The following LRRC8D variants were observed in gnomAD, a reference collection of about 807,000 sequenced individuals.
The protein encoded by LRRC8D is leucine rich repeat containing 8 VRAC subunit D.
A neutral mutation model predicts 55.8 loss-of-function variants in LRRC8D; 20 were observed. The observed-to-expected ratio is 0.36, with a 90% CI of 0.25 to 0.52. The LOEUF (loss-of-function observed/expected upper bound fraction) is 0.52. LRRC8D is among the 20% of genes least tolerant of loss of function. The pLI, the probability that LRRC8D is intolerant of heterozygous loss-of-function variation, is 0.93. For synonymous variants in LRRC8D, 352 were observed against 377.0 expected, an observed-to-expected ratio of 0.93 and a Z score of 0.77; for missense variants, 651 against 1,030.8, an observed-to-expected ratio of 0.63 and a Z score of 5.05.
intron 2 of LRRC8D, among the ~76,000 whole-genome samples, chr1:89,894,330 A>G (rs1255879549): frequency 6.6e-6 from 1 of 152,178 alleles, no homozygotes; most frequent in Non-Finnish European, 1.5e-5. Context: ...ACAGCCCCAT[A>G]TTACTCACTC....
rs186390252 is a variant in LRRC8D, at chr1:89,865,058, T to G, written c.-3+21276T>G. On this transcript the variant is annotated intron_variant, in intron 2 of 2. Transcript: ENST00000337338. ...ACATTTTACATCTCCAACATTTCACTTATTACATTGATTTGCCTTTTCTAA... is the reference window on the plus strand; with the variant it reads ...ACATTTTACATCTCCAACATTTCACGTATTACATTGATTTGCCTTTTCTAA... Among the ~76,000 whole-genome samples the G allele has an allele frequency of 2.0e-3, 304 of 152,268 alleles. 1 individual carries two copies. Among genetic ancestry groups the G allele is most frequent in the African/African-American group, 7.2e-3 (299 of 41,556 alleles).
At position 89,935,698 on chromosome 1, in the gene LRRC8D, G is replaced by A; in HGVS notation, c.*53G>A. ...GCAGGAACAACTTCCTAGATTGCAAGTGCTCACGTACAAGTTATTACAAGA... is the reference window on the plus strand; with the variant it reads ...GCAGGAACAACTTCCTAGATTGCAAATGCTCACGTACAAGTTATTACAAGA... On this transcript the variant is annotated 3_prime_UTR_variant, in exon 3 of 3. Transcript: ENST00000337338. 3 of 1,511,284 alleles carry A rather than the reference G, an allele frequency of 2.0e-6. No homozygotes were observed. The highest frequency in any genetic ancestry group is 2.7e-6 in the Non-Finnish European group (3 of 1,099,102). The allele number at this position is 1,511,284 out of a possible 1,614,324, so 93.6% of individuals were successfully genotyped here. A position where few individuals can be genotyped will look rare whatever the true frequency, so the allele number is the denominator to read the frequency against.
At chr1:89,832,012 T>A (rs931473718) in intron 1 of LRRC8D, among the ~76,000 whole-genome samples, 2 of 152,216 alleles carry the variant, frequency 1.3e-5, no homozygotes, top group Non-Finnish European at 2.9e-5. Context: ...TGTGAAGCAG[T>A]GTCAGCAGGG....
At chr1:89,875,466 G>A (rs1462303432) in intron 2 of LRRC8D, among the ~76,000 whole-genome samples, 1 of 152,080 alleles carries the variant, frequency 6.6e-6, no homozygotes, top group East Asian at 1.9e-4. Flanking sequence ...CCATATAGTA[G>A]ATGAGTCTGA....
intron 1 of LRRC8D, among the ~76,000 whole-genome samples, chr1:89,823,998 C>T (rs1660705553): frequency 6.6e-6 from 1 of 152,104 alleles, no homozygotes; most frequent in Admixed American, 6.5e-5. Context: ...TGCCTCAAGA[C>T]CAGTGGCTCT....
chr1:89,840,904 G>C (rs1490748562), intron 1 of LRRC8D, among the ~76,000 whole-genome samples: 1 of 152,116 alleles, frequency 6.6e-6, no homozygotes, highest in Non-Finnish European at 1.5e-5. Flanking sequence ...AAATGAAGGA[G>C]GGATACCAAA....
intron 1 of LRRC8D, among the ~76,000 whole-genome samples, chr1:89,829,339 A>G (rs1017505510): frequency 6.6e-6 from 1 of 152,234 alleles, no homozygotes; most frequent in Non-Finnish European, 1.5e-5. Flanking sequence ...CCTCAAAACA[A>G]TTCTGAGTGA....
At chr1:89,837,065 C>G (rs1661019794) in intron 1 of LRRC8D, among the ~76,000 whole-genome samples, 1 of 152,150 alleles carries the variant, frequency 6.6e-6, no homozygotes, top group South Asian at 2.1e-4. Flanking sequence ...TCACAGGATA[C>G]TGTATCAACT....
intron 2 of LRRC8D, among the ~76,000 whole-genome samples, chr1:89,900,058 A>G (rs1662811750): frequency 1.3e-5 from 2 of 152,210 alleles, no homozygotes; most frequent in Admixed American, 1.3e-4. Flanking sequence ...AGATAATTGT[A>G]CGAGAGTGTA....
chr1:89,822,449 A>AT (rs1274133015), intron 1 of LRRC8D, among the ~76,000 whole-genome samples: 1 of 152,152 alleles, frequency 6.6e-6, no homozygotes, highest in Admixed American at 6.5e-5. Flanking sequence ...CTTCAAAAAT[A>AT]TTTTTTTGTT....
rs187938617 is a variant in LRRC8D, at chr1:89,923,483, G to A, written c.-2-9584G>A. 4.0e-5 allele frequency among the ~76,000 whole-genome samples: 6 copies of A among 151,704 alleles called. No individual in the cohort carries two copies. The South Asian group carries it at 1.1e-3, about 27-fold the overall frequency. Reference sequence around the variant, plus strand: ...GCTTAAGTTCACATTAGAAAGAATCGTATTGTTATGATGGCCATACTTCCC... The same window carrying A: ...GCTTAAGTTCACATTAGAAAGAATCATATTGTTATGATGGCCATACTTCCC... On this transcript the variant is annotated intron_variant, in intron 2 of 2. Coordinates refer to ENST00000337338, the MANE Select transcript of LRRC8D (RefSeq NM_001134479.2).
intron 2 of LRRC8D, among the ~76,000 whole-genome samples, chr1:89,917,239 C>G (rs1336139419): frequency 6.6e-6 from 1 of 152,194 alleles, no homozygotes; most frequent in African/African-American, 2.4e-5. Flanking sequence ...AATACCTTTT[C>G]TACCACTCAC....
At position 89,933,757 on chromosome 1, in the gene LRRC8D, G is replaced by C; in HGVS notation, c.689G>C (p.Gly230Ala). ...DSEENKQRIT[G>A]AQTLPKHVST... ...GAGGAAAACAAGCAGAGAATAACAGGTGCCCAGACTCTACCAAAGCATGTT... is the reference window on the plus strand; with the variant it reads ...GAGGAAAACAAGCAGAGAATAACAGCTGCCCAGACTCTACCAAAGCATGTT... Residue 230 changes from glycine (G) to alanine (A), a missense_variant, in exon 3 of 3, where the codon GGT (glycine) becomes GCT (alanine). Around this residue, in one of 5 missense-constraint regions of LRRC8D, gnomAD observed 178 missense variants for 374.9 expected, o/e 0.47. Coordinates refer to ENST00000337338, the MANE Select transcript of LRRC8D (RefSeq NM_001134479.2). The surrounding 1 kb of genome is among the most constrained non-coding windows in gnomAD (Gnocchi z 7.0). 6.2e-7 allele frequency: 1 copy of C among 1,614,092 alleles called. No individual in the cohort carries two copies. The highest frequency in any genetic ancestry group is 1.1e-5 in the South Asian group (1 of 91,086).
chr1:89,822,592 G>T (rs1467037329), intron 1 of LRRC8D, among the ~76,000 whole-genome samples: 1 of 152,138 alleles, frequency 6.6e-6, no homozygotes, highest in African/African-American at 2.4e-5. Context: ...CCGGACTTTG[G>T]AAGAGTCTGG....
chr1:89,916,177 A>T (rs1663264196), intron 2 of LRRC8D, among the ~76,000 whole-genome samples: 1 of 152,224 alleles, frequency 6.6e-6, no homozygotes, highest in African/African-American at 2.4e-5. Context: ...CTGCCAGTTA[A>T]GATAATTTGG....
At chr1:89,913,664 A>G (rs1263688087) in intron 2 of LRRC8D, among the ~76,000 whole-genome samples, 1 of 152,186 alleles carries the variant, frequency 6.6e-6, no homozygotes, top group Non-Finnish European at 1.5e-5. Context: ...CATTACTTAT[A>G]TTTTCAGATT....
At position 89,934,010 on chromosome 1, in the gene LRRC8D, C is replaced by T. The variant is rs763323348; in HGVS notation, c.942C>T (p.Ile314=). The T allele has an allele frequency of 6.2e-7, 1 of 1,614,012 alleles. No homozygotes were observed. The highest frequency in any genetic ancestry group is 1.1e-5 in the South Asian group (1 of 91,074). The change falls in exon 3 of 3, where the codon ATC becomes ATT. Residue 314 remains isoleucine, a synonymous_variant. Transcript: ENST00000337338. The surrounding 1 kb of genome is among the most constrained non-coding windows in gnomAD (Gnocchi z 5.9). ...AACTCTATGTGGTCCAAACAGTTAT[C>T]AAAACAGCCAAGTTCATTTTTATTC... The part of the protein sequence containing the change: ...IYKLYVVQTV[I]KTAKFIFILC...
chr1:89,885,439 T>A (rs1486589230), intron 2 of LRRC8D, among the ~76,000 whole-genome samples: 1 of 152,244 alleles, frequency 6.6e-6, no homozygotes, highest in African/African-American at 2.4e-5. Flanking sequence ...TCTAGACACA[T>A]TCCTCTGCTT....
At chr1:89,926,385 G>T (rs1663566003) in intron 2 of LRRC8D, among the ~76,000 whole-genome samples, 1 of 152,222 alleles carries the variant, frequency 6.6e-6, no homozygotes, top group South Asian at 2.1e-4. Context: ...TGAGGGCAAG[G>T]ATCTATATTA....
Sources: gnomAD v4.1 joint callset for allele counts (sites outside exome capture counted in the v4.1 genomes callset) on GRCh38, gnomAD v4.1.1 for gene constraint, gnomAD v4.1.1 regional missense constraint, Gnocchi (gnomAD v3.1) non-coding constraint, MANE v1.5 for transcripts, NCBI Gene and HGNC (gene_info 2026-07-23, HGNC 2026-07-21) for gene names.